The following EXOSC4 variants were observed in gnomAD, a reference collection of about 807,000 sequenced individuals.
EXOSC4 encodes exosome component 4.
A neutral mutation model predicts 20.0 loss-of-function variants in EXOSC4; 14 were observed. The observed-to-expected ratio is 0.70, with a 90% confidence interval of 0.46 to 1.09. The LOEUF (loss-of-function observed/expected upper bound fraction) is 1.09, where lower values mean the gene tolerates loss of function less well. EXOSC4 is among the 50% of genes least tolerant of loss of function. EXOSC4 has a pLI of 0.00. For synonymous variants in EXOSC4, 148 were observed against 146.4 expected (o/e 1.01, Z -0.08); for missense variants, 337 against 334.0 (o/e 1.01, Z -0.07).
At chr8:144,078,488 T>C (rs1835858378), upstream of EXOSC4, 1 of 377,960 alleles carries the variant, frequency 2.6e-6, no homozygotes, top group South Asian at 1.0e-4. This position sits in a 1 kb window ranked among gnomAD's most constrained non-coding sequence, Gnocchi z 4.7. Flanking sequence ...CCGGAAACCG[T>C]AGATCCGGGG....
upstream of EXOSC4, among the ~76,000 whole-genome samples, chr8:144,076,114 C>G (rs567539698): frequency 2.6e-5 from 4 of 152,248 alleles, no homozygotes; most frequent in Admixed American, 1.3e-4. Context: ...AATTTGGGCA[C>G]ATGCTTGGCA....
the EXOSC4 span, among the ~76,000 whole-genome samples, chr8:144,071,656 CTT>C: frequency 6.6e-6 from 1 of 150,756 alleles, no homozygotes; most frequent in African/African-American, 2.4e-5. Flanking sequence ...TAGTGTGACT[CTT>C]TATATTTTGT....
chr8:144,071,173 TC>T, the EXOSC4 span, among the ~76,000 whole-genome samples: 1 of 22,160 alleles, frequency 4.5e-5, no homozygotes, highest in African/African-American at 2.1e-4. Context: ...CTCCCTCCCC[TC>T]CCCCTCCCCT....
In EXOSC4 at chr8:144,078,770, G is replaced by A. The variant is rs34798795; in HGVS notation, c.42G>A (p.Val14=). ...LELLSDQGYR[V]DGRRAGELRK... ...TCTTGTCGGACCAGGGCTACCGGGTGGACGGGCGGCGCGCCGGGGAGCTGC... is the reference window on the plus strand; with the variant it reads ...TCTTGTCGGACCAGGGCTACCGGGTAGACGGGCGGCGCGCCGGGGAGCTGC... The change falls in exon 1 of 3, where the codon GTG becomes GTA. Residue 14 remains valine (V), a synonymous_variant. Coordinates refer to ENST00000316052, the MANE Select transcript of EXOSC4 (RefSeq NM_019037.3). This position sits in a 1 kb window ranked among gnomAD's most constrained non-coding sequence, Gnocchi z 4.7. 8.5e-4 allele frequency: 1,308 copies of A among 1,536,348 alleles called. 12 individuals carry two copies. In the African/African-American group the frequency reaches 0.017, roughly 20 times the overall value.
upstream of EXOSC4, among the ~76,000 whole-genome samples, chr8:144,077,069 C>CAAA (rs34195797): frequency 1.2e-3 from 122 of 98,072 alleles, 1 homozygote; most frequent in African/African-American, 3.4e-3. Flanking sequence ...ACTCCATCTC[C>CAAA]AAAAAAAAAA....
rs782438698 is a variant in EXOSC4, at chr8:144,078,863, C to G, written c.135C>G (p.Asn45Lys). ...GCTCGGCCTACATTGAGCAGGGCAA[C>G]ACCAAGGCACTGGCTGTGGTCTACG... is the stretch of plus-strand genomic sequence containing the variant. The part of the protein sequence containing the change: ...ADGSAYIEQG[N>K]TKALAVVYGP... The change falls in exon 1 of 3, where the codon AAC (asparagine) becomes AAG (lysine). Residue 45 changes from asparagine to lysine, a missense_variant. Coordinates refer to ENST00000316052, the MANE Select transcript of EXOSC4 (RefSeq NM_019037.3). The surrounding 1 kb of genome is among the most constrained non-coding windows in gnomAD (Gnocchi z 4.7). The G allele has an allele frequency of 1.9e-6, 3 of 1,543,316 alleles. No individual in the cohort carries two copies. In the Admixed American group the frequency reaches 5.9e-5, roughly 30 times the overall value.
chr8:144,075,518 G>A (rs1288081775), upstream of EXOSC4, among the ~76,000 whole-genome samples: 1 of 152,044 alleles, frequency 6.6e-6, no homozygotes, highest in Non-Finnish European at 1.5e-5. Flanking sequence ...GAGCCACCGC[G>A]CCCGGCCCAT....
At chr8:144,075,976 G>A (rs1049726869), upstream of EXOSC4, among the ~76,000 whole-genome samples, 1 of 152,246 alleles carries the variant, frequency 6.6e-6, no homozygotes, top group African/African-American at 2.4e-5. Context: ...CAAGTTTGAA[G>A]AGTGGGTGTC....
chr8:144,080,556 G>A lies in EXOSC4; in HGVS notation c.693G>A (p.Val231=). 6.2e-7 allele frequency: 1 copy of A among 1,600,506 alleles called. No homozygotes were observed. The highest frequency in any genetic ancestry group is 1.7e-4 in the Middle Eastern group (1 of 5,978). ...ARDVHTLLDR[V]VRQHVREASI... ...ATGTGCACACCCTCTTAGATCGAGT[G>A]GTCCGGCAGCATGTGCGTGAGGCCT... Residue 231 remains valine (V), a synonymous_variant, in exon 3 of 3, where the codon GTG becomes GTA. Transcript: ENST00000316052. This position sits in a 1 kb window ranked among gnomAD's most constrained non-coding sequence, Gnocchi z 4.9.
the EXOSC4 span, among the ~76,000 whole-genome samples, chr8:144,071,830 A>G: frequency 6.6e-6 from 1 of 151,864 alleles, no homozygotes; most frequent in Non-Finnish European, 1.5e-5. Flanking sequence ...ACACAAAAAA[A>G]TTATCTGGGG....
chr8:144,077,311 A>AGCTCAGACTGAAAGGGGAAAAGG, upstream of EXOSC4, among the ~76,000 whole-genome samples: 1 of 152,316 alleles, frequency 6.6e-6, no homozygotes, highest in East Asian at 1.9e-4. Context: ...GGACAGTAAG[A>AGCTCAGACTGAAAGGGGAAAAGG]GCTCAGACTG....
chr8:144,079,668 G>T, intron 1 of EXOSC4: 1 of 620,610 alleles, frequency 1.6e-6, no homozygotes, highest in Non-Finnish European at 3.0e-6. Flanking sequence ...AGGTAGTTAG[G>T]ATTTGAGTGT....
rs145830532 is a variant in EXOSC4, at chr8:144,080,339, C to T, written c.476C>T (p.Ala159Val). Residue 159 changes from alanine (A) to valine (V), a missense_variant, in exon 3 of 3, where the codon GCG becomes GTG. Ala to Val is a moderately conservative substitution (Grantham distance 64, BLOSUM62 0). Transcript: ENST00000316052. The surrounding 1 kb of genome is among the most constrained non-coding windows in gnomAD (Gnocchi z 4.9). The part of the protein sequence containing the change: ...AGIPMRDFVC[A>V]CSAGFVDGTA... ...ATACCCATGAGAGACTTTGTGTGTG[C>T]GTGCTCAGCTGGCTTCGTGGACGGC... The T allele has an allele frequency of 1.4e-4, 221 of 1,613,342 alleles. No homozygotes were observed. Among genetic ancestry groups the T allele is most frequent in the Non-Finnish European group, 1.5e-4 (174 of 1,180,040 alleles).
At chr8:144,076,858 G>C (rs1376819665), upstream of EXOSC4, among the ~76,000 whole-genome samples, 3 of 152,196 alleles carry the variant, frequency 2.0e-5, no homozygotes, top group African/African-American at 7.2e-5. Flanking sequence ...CTGAGGTCAG[G>C]AGTTCAAGAT....
At position 144,080,050 on chromosome 8, in the gene EXOSC4, C is replaced by T. The variant is rs202168311; in HGVS notation, c.279C>T (p.Asp93=). The change falls in exon 2 of 3, where the codon GAC becomes GAT. Residue 93 remains aspartate, a synonymous_variant. Coordinates refer to ENST00000316052, the MANE Select transcript of EXOSC4 (RefSeq NM_019037.3). This position sits in a 1 kb window ranked among gnomAD's most constrained non-coding sequence, Gnocchi z 4.9. ...TGERKRRPHG[D]RKSCEMGLQL... ...AGCGCAAGCGACGGCCACATGGGGACCGTAAGTCCTGTGAGATGGGCCTGC... is the reference window on the plus strand; with the variant it reads ...AGCGCAAGCGACGGCCACATGGGGATCGTAAGTCCTGTGAGATGGGCCTGC... 5.0e-6 allele frequency: 8 copies of T among 1,613,944 alleles called. No individual in the cohort carries two copies. The African/African-American group carries it at 1.1e-4, about 22-fold the overall frequency.
the EXOSC4 span, among the ~76,000 whole-genome samples, chr8:144,072,149 C>T: frequency 6.6e-6 from 1 of 152,054 alleles, no homozygotes; most frequent in African/African-American, 2.4e-5. Context: ...AAGTCCTCAC[C>T]TCAAGCTATT....
rs1835864671 is a variant in EXOSC4, at chr8:144,078,815, G to A, written c.87G>A (p.Met29Ile). The A allele has an allele frequency of 6.3e-7, 1 of 1,579,868 alleles. No homozygotes were observed. The highest frequency in any genetic ancestry group is 8.6e-7 in the Non-Finnish European group (1 of 1,165,610). The change falls in exon 1 of 3, where the codon ATG (methionine) becomes ATA (isoleucine). Residue 29 changes from methionine to isoleucine, a missense_variant. Physicochemically the swap from Met to Ile is conservative, Grantham distance 10. Coordinates refer to ENST00000316052, the MANE Select transcript of EXOSC4 (RefSeq NM_019037.3). The surrounding 1 kb of genome is among the most constrained non-coding windows in gnomAD (Gnocchi z 4.7). ...AGCTGCGCAAGATCCAGGCGCGGAT[G>A]GGCGTGTTCGCGCAGGCTGACGGCT... ...AGELRKIQARMGVFAQADGSA... is the reference protein window; with the variant it reads ...AGELRKIQARIGVFAQADGSA...
rs1835879589 is a variant in EXOSC4, at chr8:144,079,961, C to G, written c.190C>G (p.Arg64Gly). Residue 64 changes from arginine to glycine, a missense_variant, in exon 2 of 3, where the codon CGA becomes GGA. Physicochemically the swap from Arg to Gly is moderately radical, Grantham distance 125. Coordinates refer to ENST00000316052, the MANE Select transcript of EXOSC4 (RefSeq NM_019037.3). The stretch of plus-strand genomic sequence containing the variant: ...CTTCCAGATCCGGGGCTCCCGGGCT[C>G]GAGCCCTGCCGGACAGGGCCCTAGT... ...GPHEIRGSRA[R>G]ALPDRALVNC... The G allele has an allele frequency of 6.2e-7, 1 of 1,614,002 alleles. No homozygotes were observed. Among genetic ancestry groups the G allele is most frequent in the Non-Finnish European group, 8.5e-7 (1 of 1,180,026 alleles).
chr8:144,078,723 G>A lies in EXOSC4; in HGVS notation c.-6G>A, dbSNP rs1264382511. 1.4e-6 allele frequency: 2 copies of A among 1,453,136 alleles called. No homozygotes were observed. The highest frequency in any genetic ancestry group is 2.8e-5 in the East Asian group (1 of 35,766). 90.0% of individuals were successfully genotyped at this position (1,453,136 alleles called of 1,614,324 possible). ...AGGCAGAGAGCGGACCTGGCGGCCG[G>A]GCAGCATGGCGGGGCTGGAGCTCTT... On this transcript the variant is annotated 5_prime_UTR_variant, in exon 1 of 3. Coordinates refer to ENST00000316052, the MANE Select transcript of EXOSC4 (RefSeq NM_019037.3). This position sits in a 1 kb window ranked among gnomAD's most constrained non-coding sequence, Gnocchi z 4.7.
Sources: gnomAD v4.1 joint callset for allele counts (sites outside exome capture counted in the v4.1 genomes callset) on GRCh38, gnomAD v4.1.1 for gene constraint, Gnocchi (gnomAD v3.1) non-coding constraint, MANE v1.5 for transcripts, NCBI Gene and HGNC (gene_info 2026-07-23, HGNC 2026-07-21) for gene names.